The following PLK4 variants were observed in gnomAD, a reference collection of about 807,000 sequenced individuals.
PLK4 encodes the protein polo like kinase 4.
Under a neutral mutation model 103.0 loss-of-function variants are expected in PLK4, and 51 were observed. The ratio of observed to expected loss-of-function variants is 0.50; its 90% CI spans 0.40 to 0.63. PLK4 has a LOEUF of 0.63. Ranked by LOEUF, PLK4 falls within the 20% of genes least tolerant of loss-of-function variation. The pLI is 0.00. For synonymous variants in PLK4, 389 were observed against 376.8 expected (o/e 1.03, Z -0.38); for missense variants, 1,054 against 1,151.0 (o/e 0.92, Z 1.22).
rs778319908 is a variant in PLK4 at position 127,886,366 on chromosome 4, T to C, written c.996T>C (p.Thr332=). 24 of 1,613,636 alleles carry C rather than the reference T, an allele frequency of 1.5e-5. No individual in the cohort carries two copies. In the South Asian group the frequency reaches 2.2e-4, roughly 15 times the overall value. ...MTVFPKNKSS[T]DFSSSGDGNS... ...TATTTCCAAAGAATAAAAGTTCAAC[T>C]GATTTTTCTTCTTCAGGAGATGGAA... Residue 332 remains threonine (T), a synonymous_variant, in exon 5 of 16, where the codon ACT becomes ACC. Coordinates refer to ENST00000270861, the MANE Select transcript of PLK4 (RefSeq NM_014264.5).
chr4:127,893,288 T>C lies in PLK4; in HGVS notation c.2192T>C (p.Val731Ala), dbSNP rs1248352209. 1 of 1,543,762 alleles carries C rather than the reference T, an allele frequency of 6.5e-7. No homozygotes were observed. The highest frequency in any genetic ancestry group is 2.3e-5 in the East Asian group (1 of 43,906). ...ADFEVWFYDG[V>A]KIHKTEDFIQ... The stretch of plus-strand genomic sequence containing the variant: ...TTTTCTGATTTTTTTTTTTTAGGGG[T>C]AAAAATACACAAAACAGAAGATTTC... The change falls in exon 11 of 16, where the codon GTA becomes GCA. Residue 731 changes from valine to alanine, a missense_variant. Coordinates refer to ENST00000270861, the MANE Select transcript of PLK4 (RefSeq NM_014264.5).
chr4:127,897,786 T>G (rs937991281), intron 15 of PLK4, among the ~76,000 whole-genome samples: 2 of 148,952 alleles, frequency 1.3e-5, no homozygotes, highest in Non-Finnish European at 3.0e-5. Context: ...AATATATTCA[T>G]AATGTGTTTA....
Position 127,886,143 on chromosome 4 carries a change from C to T in PLK4, c.773C>T (p.Ser258Leu), listed in dbSNP as rs1228096718. 12 of 1,614,028 alleles carry T rather than the reference C, an allele frequency of 7.4e-6. No individual in the cohort carries two copies. Among genetic ancestry groups the T allele is most frequent in the Middle Eastern group, 1.6e-4 (1 of 6,062 alleles). The part of the protein sequence containing the change: ...RNPADRLSLS[S>L]VLDHPFMSRN... ...CCAGCAGATCGTTTAAGTCTGTCTT[C>T]AGTATTGGACCATCCTTTTATGTCC... The change falls in exon 5 of 16, where the codon TCA becomes TTA. Residue 258 changes from serine (S) to leucine (L), a missense_variant. Physicochemically the swap from Ser to Leu is moderately radical, Grantham distance 145. Transcript: ENST00000270861.
At chr4:127,893,632 G>A (rs960296471) in intron 12 of PLK4, 28 bp downstream of exon 12, 4 of 1,581,912 alleles carry the variant, frequency 2.5e-6, no homozygotes, top group African/African-American at 2.7e-5. Flanking sequence ...TTAAACATAT[G>A]GCTAAAATGT....
intron 6 of PLK4, among the ~76,000 whole-genome samples, chr4:127,888,886 A>T (rs748058502): frequency 6.6e-6 from 1 of 152,122 alleles, no homozygotes; most frequent in Non-Finnish European, 1.5e-5. Flanking sequence ...TTTAATGTAT[A>T]TTATTCTCAG....
intron 9 of PLK4, 118 bp downstream of exon 9, chr4:127,891,799 A>C: frequency 2.5e-6 from 1 of 395,598 alleles, no homozygotes; most frequent in Non-Finnish European, 4.6e-6. Context: ...AGGTCATATC[A>C]TATTCTTGTA....
chr4:127,898,314 T>A (rs1010417723), intron 15 of PLK4, 125 bp from the exon 16 acceptor site: 2 of 579,956 alleles, frequency 3.4e-6, no homozygotes, highest in Admixed American at 7.0e-5. Context: ...ATAATTGTTA[T>A]AATTTTTCTG....
In PLK4 at chr4:127,887,506, T is replaced by C. The variant is rs1578757252; in HGVS notation, c.1459+10T>C. 1.4e-6 allele frequency: 2 copies of C among 1,415,062 alleles called. No individual in the cohort carries two copies. The highest frequency in any genetic ancestry group is 4.6e-5 in the East Asian group (2 of 43,388). 87.7% of individuals were successfully genotyped at this position (1,415,062 alleles called of 1,614,324 possible). On this transcript the variant is annotated intron_variant, in intron 6 of 15. Coordinates refer to ENST00000270861, the MANE Select transcript of PLK4 (RefSeq NM_014264.5). ...AATCTGCAAATAAATGGTGAGTTTT[T>C]AATGGAGTATTTAATCAAGAATTAA...
intron 14 of PLK4, 141 bp from the exon 15 acceptor site, chr4:127,896,660 T>A: frequency 2.2e-6 from 1 of 459,694 alleles, no homozygotes; most frequent in South Asian, 4.6e-5. Flanking sequence ...AGTTTTTTTT[T>A]TAACTGTGGA....
At chr4:127,881,403 G>C in intron 1 of PLK4, 3 of 1,415,440 alleles carry the variant, frequency 2.1e-6, no homozygotes, top group South Asian at 3.0e-5. Context: ...GTGTCCCGAG[G>C]CACTGCGGCT....
At chr4:127,898,084 C>G (rs938256607) in intron 15 of PLK4, among the ~76,000 whole-genome samples, 1 of 151,976 alleles carries the variant, frequency 6.6e-6, no homozygotes, top group African/African-American at 2.4e-5. Context: ...AATCCACCCC[C>G]CTTGGCCTCC....
Position 127,880,962 on chromosome 4 carries a change from G to A in PLK4, c.-173G>A. 1 of 664,586 alleles carries A rather than the reference G, an allele frequency of 1.5e-6. No homozygotes were observed. The allele number at this position is 664,586 out of a possible 1,614,324, so 41.2% of individuals were successfully genotyped here. On this transcript the variant is annotated 5_prime_UTR_variant, in exon 1 of 16. Coordinates refer to ENST00000270861, the MANE Select transcript of PLK4 (RefSeq NM_014264.5). ...ATGGGAGCCCAGAGGCACCGCCCAG[G>A]CCTCGGAAGGTGTCAGGGAGAACTT...
At chr4:127,888,213 G>A (rs1398741882) in intron 6 of PLK4, among the ~76,000 whole-genome samples, 1,043 of 24,668 alleles carry the variant, frequency 0.042, 2 homozygotes, top group Middle Eastern at 0.1. Context: ...AAAAAAAAAA[G>A]CATTTTCAGT....
chr4:127,884,196 G>A (rs1203020195), intron 4 of PLK4, among the ~76,000 whole-genome samples: 1 of 152,044 alleles, frequency 6.6e-6, no homozygotes, highest in Non-Finnish European at 1.5e-5. Flanking sequence ...ATAATTTTTT[G>A]CAGTTCAAAG....
intron 15 of PLK4, 45 bp downstream of exon 15, chr4:127,896,952 T>A (rs767121771): frequency 1.4e-4 from 135 of 946,226 alleles, no homozygotes; most frequent in Non-Finnish European, 1.8e-4. Flanking sequence ...TTTGCTATAA[T>A]TTCTCTTTCT....
Position 127,891,601 on chromosome 4 carries a change from G to T in PLK4, c.1958G>T (p.Gly653Val). The change falls in exon 9 of 16, where the codon GGT becomes GTT. Residue 653 changes from glycine (G) to valine (V), a missense_variant. Coordinates refer to ENST00000270861, the MANE Select transcript of PLK4 (RefSeq NM_014264.5). ...CAGATCACTATTTATTATCCAAATG[G>T]TGGTAGAGGTTTTCCTCTTGCTGAT... ...GNTITIYYPNGGRGFPLADRP... is the reference protein window; with the variant it reads ...GNTITIYYPNVGRGFPLADRP... 1 of 1,538,836 alleles carries T rather than the reference G, an allele frequency of 6.5e-7. No homozygotes were observed. The highest frequency in any genetic ancestry group is 1.2e-5 in the South Asian group (1 of 80,346).
intron 7 of PLK4, 80 bp from the exon 8 acceptor site, chr4:127,891,012 A>G: frequency 1.4e-6 from 1 of 702,482 alleles, no homozygotes; most frequent in Non-Finnish European, 2.4e-6. Context: ...ATGGTTAAGT[A>G]CTCCTAAGTA....
chr4:127,893,618 A>G lies in PLK4; in HGVS notation c.2414+14A>G. 1 of 1,595,044 alleles carries G rather than the reference A, an allele frequency of 6.3e-7. No homozygotes were observed. The highest frequency in any genetic ancestry group is 8.6e-7 in the Non-Finnish European group (1 of 1,168,780). On this transcript the variant is annotated intron_variant, in intron 12 of 15. Transcript: ENST00000270861. ...AATCATAGGAAGGTAAATGTCTGAA[A>G]ATTTTAAACATATGGCTAAAATGTT...
intron 10 of PLK4, 46 bp downstream of exon 10, chr4:127,892,560 T>C: frequency 6.7e-7 from 1 of 1,498,328 alleles, no homozygotes; most frequent in Non-Finnish European, 9.2e-7. Flanking sequence ...AGTTTGTAAT[T>C]TAGTAGTTAC....
Sources: allele counts gnomAD v4.1 joint callset (sites outside exome capture counted in the v4.1 genomes callset), GRCh38; gene constraint gnomAD v4.1.1; transcripts MANE v1.5; gene names NCBI Gene and HGNC (gene_info 2026-07-23, HGNC 2026-07-21).